Variants in BACH2 observed in about 807,000 individuals in gnomAD.
The protein encoded by BACH2 is transcription regulator protein BACH2.
Under a neutral mutation model 61.8 loss-of-function variants are expected in BACH2, and 5 were observed. That is an observed-to-expected ratio of 0.08 (90% CI 0.04 to 0.17). The LOEUF (loss-of-function observed/expected upper bound fraction) is 0.17. BACH2 is among the 10% of genes least tolerant of loss of function. BACH2 has a pLI of 1.00. For missense variants in BACH2, 824 were observed against 1,091.1 expected, an observed-to-expected ratio of 0.76 and a Z score of 3.45; for synonymous variants, 446 against 440.1, an observed-to-expected ratio of 1.01 and a Z score of -0.17.
chr6:90,005,769 G>A lies in BACH2; in HGVS notation c.243+2833C>T, dbSNP rs183409640. The stretch of plus-strand genomic sequence containing the variant: ...GATACTTAGAGCTGGATTACTGAAA[G>A]TATGAATTTGCGTTTCATAAGAAAA... On this transcript the variant is annotated intron_variant, in intron 6 of 8. Coordinates refer to ENST00000257749, the MANE Select transcript of BACH2 (RefSeq NM_021813.4). Among the ~76,000 whole-genome samples, 16 of 152,330 alleles carry A rather than the reference G, an allele frequency of 1.1e-4. No homozygotes were observed. The East Asian group carries it at 2.9e-3, about 28-fold the overall frequency.
chr6:89,959,047 G>A (rs781321173), intron 6 of BACH2, among the ~76,000 whole-genome samples: 44 of 149,136 alleles, frequency 3.0e-4, no homozygotes, highest in Non-Finnish European at 4.9e-4. Context: ...AGTTGCACAG[G>A]TTTTATGCTC....
intron 4 of BACH2, among the ~76,000 whole-genome samples, chr6:90,113,294 G>C (rs1461617647): frequency 1.3e-5 from 2 of 152,112 alleles, no homozygotes; most frequent in Non-Finnish European, 2.9e-5. Context: ...CGAAACAACA[G>C]AATATACATT....
rs55724292 is a variant in BACH2 at position 90,118,219 on chromosome 6, C to T, written c.-161-29110G>A. 5.6e-3 allele frequency among the ~76,000 whole-genome samples: 857 copies of T among 152,260 alleles called. 3 individuals carry two copies. The highest frequency in any genetic ancestry group is 0.01 in the Middle Eastern group (3 of 294). On this transcript the variant is annotated intron_variant, in intron 4 of 8. Coordinates refer to ENST00000257749, the MANE Select transcript of BACH2 (RefSeq NM_021813.4). ...CTAACCAAGAAATCTGAAGGGGAAC[C>T]ATCTATTATTCATACTAAGGGAACA... is the stretch of plus-strand genomic sequence containing the variant.
At chr6:90,100,706 C>CACACATACACACACAG (rs1463218195) in intron 4 of BACH2, among the ~76,000 whole-genome samples, 6 of 143,172 alleles carry the variant, frequency 4.2e-5, no homozygotes, top group Admixed American at 6.9e-5. Flanking sequence ...CACACAGACA[C>CACACATACACACACAG]ACACACACAC....
chr6:89,935,594 C>G (rs147101309), intron 8 of BACH2, among the ~76,000 whole-genome samples: 238 of 152,334 alleles, frequency 1.6e-3, no homozygotes, highest in Middle Eastern at 3.4e-3. Flanking sequence ...GGCACTGAAA[C>G]ACAACGTGTT....
At chr6:90,029,025 A>G (rs564826379) in intron 5 of BACH2, among the ~76,000 whole-genome samples, 9 of 152,312 alleles carry the variant, frequency 5.9e-5, no homozygotes, top group South Asian at 2.1e-4. Context: ...AATTTTCCCC[A>G]TTCACGTTTC....
chr6:90,111,446 G>A (rs1783166518), intron 4 of BACH2, among the ~76,000 whole-genome samples: 2 of 152,306 alleles, frequency 1.3e-5, no homozygotes, highest in South Asian at 4.2e-4. Context: ...TAGCATCTGA[G>A]GTGCAGGCCC....
intron 4 of BACH2, among the ~76,000 whole-genome samples, chr6:90,120,768 C>T (rs1225088401): frequency 6.6e-6 from 1 of 152,200 alleles, no homozygotes; most frequent in African/African-American, 2.4e-5. Flanking sequence ...AATATACTGA[C>T]CAATACTGTG....
At chr6:90,192,810 C>T (rs1002505112) in intron 4 of BACH2, among the ~76,000 whole-genome samples, 13 of 152,212 alleles carry the variant, frequency 8.5e-5, no homozygotes, top group Admixed American at 6.5e-4. Context: ...CAACCTTAGG[C>T]ACTCACTTAC....
chr6:90,208,260 T>C (rs1011543303), intron 3 of BACH2, among the ~76,000 whole-genome samples: 1 of 151,894 alleles, frequency 6.6e-6, no homozygotes, highest in African/African-American at 2.4e-5. Flanking sequence ...ATCAGCAGAG[T>C]GAACAGGCAA....
intron 4 of BACH2, among the ~76,000 whole-genome samples, chr6:90,099,054 G>GTT (rs563373682): frequency 6.7e-6 from 1 of 148,196 alleles, no homozygotes; most frequent in South Asian, 2.1e-4. Context: ...AATTAAACCT[G>GTT]TTTTTTTTTT....
intron 4 of BACH2, among the ~76,000 whole-genome samples, chr6:90,169,432 C>G (rs1372146535): frequency 6.6e-6 from 1 of 152,174 alleles, no homozygotes; most frequent in East Asian, 1.9e-4. Context: ...GACCCCCTCC[C>G]TGATACTTGC....
chr6:90,198,661 T>C lies in BACH2; in HGVS notation c.-162+7908A>G, dbSNP rs115235999. Reference sequence around the variant, plus strand: ...GCATTGCCATATCCATATGACACGGTAGTGGGTGCACAGAGTCTCAGGGCT... The same window carrying C: ...GCATTGCCATATCCATATGACACGGCAGTGGGTGCACAGAGTCTCAGGGCT... On this transcript the variant is annotated intron_variant, in intron 4 of 8. Transcript: ENST00000257749. Among the ~76,000 whole-genome samples, 1,064 of 152,304 alleles carry C rather than the reference T, an allele frequency of 7.0e-3. 14 individuals carry two copies. The highest frequency in any genetic ancestry group is 0.023 in the African/African-American group (944 of 41,572).
At chr6:90,096,653 A>C (rs1258241893) in intron 4 of BACH2, among the ~76,000 whole-genome samples, 1 of 152,186 alleles carries the variant, frequency 6.6e-6, no homozygotes, top group Non-Finnish European at 1.5e-5. Context: ...CAGAGGAGAG[A>C]CATTGCCCTG....
At chr6:89,933,840 G>T (rs1014323157) in intron 8 of BACH2, among the ~76,000 whole-genome samples, 1 of 151,948 alleles carries the variant, frequency 6.6e-6, no homozygotes, top group Non-Finnish European at 1.5e-5. Flanking sequence ...ACAAAAATTA[G>T]CCAGGTGTGG....
chr6:90,159,738 A>T (rs2127832778), intron 4 of BACH2, among the ~76,000 whole-genome samples: 1 of 152,366 alleles, frequency 6.6e-6, no homozygotes, highest in Non-Finnish European at 1.5e-5. Context: ...AAGTAAATCT[A>T]ATTCAATAAG....
chr6:90,045,081 A>C (rs1372045931), intron 5 of BACH2, among the ~76,000 whole-genome samples: 1 of 152,206 alleles, frequency 6.6e-6, no homozygotes, highest in East Asian at 1.9e-4. Context: ...TCAGGAAGGA[A>C]ACTGTTATCA....
At chr6:89,949,562 T>G (rs1773947884) in intron 7 of BACH2, among the ~76,000 whole-genome samples, 1 of 152,154 alleles carries the variant, frequency 6.6e-6, no homozygotes, top group Admixed American at 6.5e-5. Context: ...CTCTGGACAT[T>G]TTTCCTAGCA....
chr6:90,074,946 T>C (rs1483421641), intron 5 of BACH2, among the ~76,000 whole-genome samples: 3 of 152,108 alleles, frequency 2.0e-5, no homozygotes, highest in Non-Finnish European at 4.4e-5. Context: ...CAAAGGAACC[T>C]CTACAGAATG....
Sources: gnomAD v4.1 joint callset for allele counts (sites outside exome capture counted in the v4.1 genomes callset) on GRCh38, gnomAD v4.1.1 for gene constraint, MANE v1.5 for transcripts, NCBI Gene and HGNC (gene_info 2026-07-23, HGNC 2026-07-21) for gene names.